The following PLAC1 variants were observed in gnomAD, a reference collection of about 807,000 sequenced individuals.
PLAC1 encodes the protein placenta associated 1, also known as placenta-specific protein 1.
For missense variants in PLAC1, 136 were observed against 163.2 expected, an observed-to-expected ratio of 0.83 and a Z score of 0.91; for synonymous variants, 68 against 62.1, an observed-to-expected ratio of 1.09 and a Z score of -0.44.
chrX:134,760,639 A>G (rs1232629294), intron 1 of PLAC1, among the ~76,000 whole-genome samples: 1 of 107,520 alleles, frequency 9.3e-6, no homozygotes, highest in African/African-American at 3.4e-5. Context: ...TGTTAGGTTA[A>G]AAAAAAAAGG....
At chrX:134,627,645 C>G (rs1428028138) in intron 1 of PLAC1, among the ~76,000 whole-genome samples, 1 of 112,328 alleles carries the variant, frequency 8.9e-6, no homozygotes, top group African/African-American at 3.2e-5. Context: ...CAGTAAGATC[C>G]TATTCGTCTT....
rs917768580 is a variant in PLAC1 at position 134,725,823 on chromosome X, C to G, written n.174+7612G>C. Among the ~76,000 whole-genome samples, 7 of 111,383 alleles carry G rather than the reference C, an allele frequency of 6.3e-5. No individual in the cohort carries two copies. In the South Asian group the frequency reaches 2.7e-3, roughly 43 times the overall value. ...ACCATCCTGGCCAACATGGTGAAAC[C>G]CTATCTCTACTAAAAATACAAAAAT... On this transcript the variant is annotated intron_variant and non_coding_transcript_variant, in intron 2 of 2. Coordinates refer to the PLAC1 transcript ENST00000466797.
intron 1 of PLAC1, among the ~76,000 whole-genome samples, chrX:134,634,283 A>C (rs1354337843): frequency 8.9e-6 from 1 of 112,176 alleles, no homozygotes; most frequent in African/African-American, 3.2e-5. Context: ...TCCTTGCTAA[A>C]GGAGTGCAAG....
intron 2 of PLAC1, among the ~76,000 whole-genome samples, chrX:134,587,266 T>C (rs1280915737): frequency 9.1e-6 from 1 of 110,227 alleles, no homozygotes; most frequent in Non-Finnish European, 1.9e-5. Flanking sequence ...AAGCCTCCCT[T>C]TATGGGCTGG....
At chrX:134,650,123 T>C (rs761426227) in intron 1 of PLAC1, among the ~76,000 whole-genome samples, 25 of 112,392 alleles carry the variant, frequency 2.2e-4, no homozygotes, top group South Asian at 1.1e-3. Flanking sequence ...ATACCCTTTA[T>C]CCAATCACAT....
At chrX:134,645,171 T>G (rs1195211287) in intron 1 of PLAC1, among the ~76,000 whole-genome samples, 5 of 111,325 alleles carry the variant, frequency 4.5e-5, no homozygotes, top group Non-Finnish European at 9.4e-5. Flanking sequence ...TCAGTACCTT[T>G]GTTTAATTCA....
Position 134,566,161 on chromosome X carries a change from G to A in PLAC1, c.522C>T (p.Thr174=). ...CCCCTGCTTGGTGACAAGGGACCTG[G>A]GTATGCTCTTCTTCACTGAAGACAC... ...PPCVFSEEEH[T]QVPCHQAGAQ... is the part of the protein sequence containing the mutation. The change falls in exon 3 of 3, where the codon ACC becomes ACT. Residue 174 remains threonine (T), a synonymous_variant. Transcript: ENST00000359237. 3.3e-6 allele frequency: 4 copies of A among 1,211,343 alleles called. No homozygotes were observed. The highest frequency in any genetic ancestry group is 4.5e-6 in the Non-Finnish European group (4 of 895,160).
intron 2 of PLAC1, among the ~76,000 whole-genome samples, chrX:134,731,941 A>G (rs1487713475): frequency 2.7e-5 from 3 of 111,779 alleles, no homozygotes; most frequent in African/African-American, 9.8e-5. Flanking sequence ...GGATCATTTC[A>G]GCCCAGGAGG....
intron 2 of PLAC1, among the ~76,000 whole-genome samples, chrX:134,669,697 G>A (rs1195457233): frequency 8.9e-6 from 1 of 112,526 alleles, no homozygotes; most frequent in Non-Finnish European, 1.9e-5. Flanking sequence ...GTGGTAGAGT[G>A]GCTGAGAACT....
chrX:134,596,983 G>T (rs1322381240), intron 2 of PLAC1, among the ~76,000 whole-genome samples: 2 of 110,927 alleles, frequency 1.8e-5, no homozygotes, highest in African/African-American at 6.6e-5. Flanking sequence ...GTCTTAGTGT[G>T]GATTTCTTTG....
intron 2 of PLAC1, among the ~76,000 whole-genome samples, chrX:134,586,131 C>T (rs752549416): frequency 8.9e-6 from 1 of 111,803 alleles, no homozygotes; most frequent in East Asian, 2.8e-4. Context: ...AAAAATTCTT[C>T]CTGACTGTAA....
At chrX:134,663,918 C>T (rs2078426361) in intron 2 of PLAC1, among the ~76,000 whole-genome samples, 1 of 110,125 alleles carries the variant, frequency 9.1e-6, no homozygotes, top group Middle Eastern at 4.7e-3. Flanking sequence ...CATCTTTGCT[C>T]TGCTAACAGA....
chrX:134,640,432 T>C (rs2078302692), intron 1 of PLAC1, among the ~76,000 whole-genome samples: 1 of 111,905 alleles, frequency 8.9e-6, no homozygotes, highest in South Asian at 3.8e-4. Context: ...CCAGTCAATA[T>C]GAAACATTTC....
intron 2 of PLAC1, among the ~76,000 whole-genome samples, chrX:134,729,787 CT>C (rs990333709): frequency 3.7e-4 from 41 of 110,205 alleles, no homozygotes; most frequent in South Asian, 2.3e-3. Flanking sequence ...TTCTTTCTAT[CT>C]TTTTTTTTGT....
At position 134,590,039 on chromosome X, in the gene PLAC1, C is replaced by CA. The variant is rs1179035379; in HGVS notation, c.-59+12011dup. On this transcript the variant is annotated intron_variant, in intron 2 of 2. Transcript: ENST00000359237. ...TGAAAACCCATCTGTACTAAAAATACAAAAAATTAGCCGGGCGTGGTGGTA... is the reference window on the plus strand; with the variant it reads ...TGAAAACCCATCTGTACTAAAAATACAAAAAAATTAGCCGGGCGTGGTGGTA... 3.3e-3 allele frequency among the ~76,000 whole-genome samples: 339 copies of CA among 101,497 alleles called. 6 individuals are homozygous for CA. The highest frequency in any genetic ancestry group is 0.011 in the African/African-American group (300 of 27,593). The allele number at this position is 101,497 out of a possible 115,157, so 88.1% of individuals were successfully genotyped here.
chrX:134,573,578 C>T (rs1049873004), intron 2 of PLAC1, among the ~76,000 whole-genome samples: 1 of 111,716 alleles, frequency 9.0e-6, no homozygotes, highest in Non-Finnish European at 1.9e-5. Flanking sequence ...GCTTCACCAC[C>T]TCTTTGATAC....
chrX:134,638,699 T>C (rs2078294704), intron 1 of PLAC1, among the ~76,000 whole-genome samples: 1 of 110,941 alleles, frequency 9.0e-6, no homozygotes. Flanking sequence ...TTGGTCCTGC[T>C]CTTACTCTTG....
intron 1 of PLAC1, among the ~76,000 whole-genome samples, chrX:134,655,871 C>T (rs940752173): frequency 8.9e-6 from 1 of 112,060 alleles, no homozygotes; most frequent in Non-Finnish European, 1.9e-5. Context: ...GCAGCATTGC[C>T]CAGTCTTCTG....
At chrX:134,611,172 G>A (rs1445916413) in intron 1 of PLAC1, among the ~76,000 whole-genome samples, 2 of 110,945 alleles carry the variant, frequency 1.8e-5, no homozygotes, top group Non-Finnish European at 1.9e-5. Context: ...CAGCCACCAC[G>A]CTTGGCCTAT....
Sources: allele counts gnomAD v4.1 joint callset (sites outside exome capture counted in the v4.1 genomes callset), GRCh38; gene constraint gnomAD v4.1.1; transcripts MANE v1.5; gene names NCBI Gene and HGNC (gene_info 2026-07-23, HGNC 2026-07-21).